Variants in IQCE observed in about 807,000 individuals in gnomAD.
IQCE encodes the protein IQ domain-containing protein E.
In IQCE, 115 loss-of-function variants were observed where a neutral mutation model predicts 96.0. The observed-to-expected ratio is 1.20, with a 90% CI of 1.03 to 1.40. The LOEUF is 1.40. Among genes scored for constraint, IQCE ranks in the 40% most tolerant of loss-of-function variants. IQCE has a pLI of 0.00. For synonymous variants in IQCE, 412 were observed against 371.2 expected, an observed-to-expected ratio of 1.11 and a Z score of -1.26; for missense variants, 1,041 against 909.1, an observed-to-expected ratio of 1.15 and a Z score of -1.87.
At chr7:2,559,947 C>T (rs976203925) in intron 1 of IQCE, among the ~76,000 whole-genome samples, 1 of 152,168 alleles carries the variant, frequency 6.6e-6, no homozygotes, top group East Asian at 1.9e-4. Context: ...TCGCTTGAGG[C>T]CAAGAGTTCC....
chr7:2,573,372 CT>C (rs762006374), intron 5 of IQCE, 45 bp from the exon 6 acceptor site: 106 of 895,944 alleles, frequency 1.2e-4, no homozygotes, highest in Non-Finnish European at 9.8e-5. Flanking sequence ...AGAATTCTTT[CT>C]ACTTTGTAGA....
intron 18 of IQCE, among the ~76,000 whole-genome samples, chr7:2,602,511 G>A (rs1364776687): frequency 6.6e-6 from 1 of 152,192 alleles, no homozygotes; most frequent in Non-Finnish European, 1.5e-5. Flanking sequence ...CTGGGCCACA[G>A]GGCTTCTCAC....
intron 13 of IQCE, among the ~76,000 whole-genome samples, chr7:2,588,654 G>GTT (rs370704456): frequency 0.038 from 1,894 of 49,762 alleles, 525 homozygotes; most frequent in Non-Finnish European, 0.047. Context: ...TGCCTGGCTG[G>GTT]TTTTTTTTTT....
Position 2,607,139 on chromosome 7 carries a change from AACCACC to A in IQCE, c.1885_1890del (p.Thr629_Thr630del). 6.2e-7 allele frequency: 1 copy of A among 1,601,748 alleles called. No individual in the cohort carries two copies. The highest frequency in any genetic ancestry group is 8.5e-7 in the Non-Finnish European group (1 of 1,175,386). Reference sequence around the variant, plus strand: ...TTTTTTCCAGTGCTACCGGTAAAAGAACCACCACCGCAGCTTCTACCAGGAGGAGAT... The same window carrying A: ...TTTTTTCCAGTGCTACCGGTAAAAGAACCGCAGCTTCTACCAGGAGGAGAT... On this transcript the variant is annotated inframe_deletion, in exon 21 of 22. Transcript: ENST00000402050.
chr7:2,608,242 C>A (rs1784963029), intron 21 of IQCE, among the ~76,000 whole-genome samples: 1 of 152,294 alleles, frequency 6.6e-6, no homozygotes, highest in African/African-American at 2.4e-5. Flanking sequence ...GCCTCGCTTT[C>A]CTGGGAGATC....
At chr7:2,597,562 T>C (rs1283714198) in intron 16 of IQCE, among the ~76,000 whole-genome samples, 1 of 152,284 alleles carries the variant, frequency 6.6e-6, no homozygotes, top group Non-Finnish European at 1.5e-5. Flanking sequence ...AGCAACAGCG[T>C]GCTCTCCACC....
At chr7:2,567,992 A>G (rs1254372985) in intron 2 of IQCE, among the ~76,000 whole-genome samples, 1 of 152,150 alleles carries the variant, frequency 6.6e-6, no homozygotes, top group Non-Finnish European at 1.5e-5. Flanking sequence ...TTTCTGCTGG[A>G]GGGGAAGTGA....
chr7:2,563,374 G>GTTTT (rs199527869), intron 1 of IQCE, among the ~76,000 whole-genome samples: 1 of 106,606 alleles, frequency 9.4e-6, no homozygotes, highest in African/African-American at 4.2e-5. Context: ...TTAATTTTTT[G>GTTTT]TTGTGTGTGT....
intron 20 of IQCE, 69 bp downstream of exon 20, chr7:2,606,066 G>A: frequency 1.3e-6 from 2 of 1,518,674 alleles, no homozygotes; most frequent in South Asian, 2.5e-5. Flanking sequence ...ACTGGGCCCG[G>A]AGCACTGGGT....
At chr7:2,560,998 C>T (rs961217866) in intron 1 of IQCE, among the ~76,000 whole-genome samples, 1 of 151,784 alleles carries the variant, frequency 6.6e-6, no homozygotes, top group African/African-American at 2.4e-5. Flanking sequence ...CGCTTTGCCA[C>T]CCAGGCTGGA....
At chr7:2,586,429 G>C (rs1219683269) in intron 12 of IQCE, 58 bp downstream of exon 12, 5 of 1,165,994 alleles carry the variant, frequency 4.3e-6, no homozygotes, top group Non-Finnish European at 6.1e-6. Context: ...GAATGGCAGG[G>C]CATGGCCACT....
chr7:2,572,225 C>G lies in IQCE; in HGVS notation c.293C>G (p.Thr98Ser), dbSNP rs1278141301. 1.2e-6 allele frequency: 2 copies of G among 1,614,068 alleles called. No homozygotes were observed. The highest frequency in any genetic ancestry group is 2.7e-5 in the African/African-American group (2 of 74,940). Residue 98 changes from threonine (T) to serine (S), a missense_variant, in exon 5 of 22, where the codon ACC (threonine) becomes AGC (serine). Coordinates refer to ENST00000402050, the MANE Select transcript of IQCE (RefSeq NM_152558.5). ...SLTQALNSPL[T>S]WEHAWTGVPG... ...ACCCAGGCCCTGAACTCACCCCTCA[C>G]CTGGGAGCATGCGTGGACTGGCGTC...
At chr7:2,562,636 TG>T (rs1459918992) in intron 1 of IQCE, among the ~76,000 whole-genome samples, 2 of 151,568 alleles carry the variant, frequency 1.3e-5, no homozygotes, top group East Asian at 3.9e-4. Context: ...TTCGTGTCTC[TG>T]GGTTTTTTTT....
In IQCE at chr7:2,605,006, C is replaced by T; in HGVS notation, c.1743+15C>T. The T allele has an allele frequency of 6.4e-7, 1 of 1,569,218 alleles. No homozygotes were observed. Among genetic ancestry groups the T allele is most frequent in the Non-Finnish European group, 8.8e-7 (1 of 1,140,520 alleles). Reference sequence around the variant, plus strand: ...TCCCAGACCAGGTAATGTCGGGGTGCTGGACGTCCCAGTGGCCATCTGCAG... The same window carrying T: ...TCCCAGACCAGGTAATGTCGGGGTGTTGGACGTCCCAGTGGCCATCTGCAG... On this transcript the variant is annotated intron_variant, in intron 19 of 21. Coordinates refer to ENST00000402050, the MANE Select transcript of IQCE (RefSeq NM_152558.5).
At chr7:2,564,323 A>G (rs777233235) in intron 1 of IQCE, among the ~76,000 whole-genome samples, 2 of 152,062 alleles carry the variant, frequency 1.3e-5, no homozygotes, top group Non-Finnish European at 2.9e-5. Flanking sequence ...GGCCAGGCAC[A>G]GTGACTCACA....
chr7:2,582,175 C>T lies in IQCE; in HGVS notation c.631-405C>T, dbSNP rs1782725156. 7.9e-5 allele frequency: 33 copies of T among 418,822 alleles called. 1 individual carries two copies. The highest frequency in any genetic ancestry group is 5.8e-4 in the South Asian group (31 of 53,450). The allele number at this position is 418,822 out of a possible 1,614,324, so 25.9% of individuals were successfully genotyped here. On this transcript the variant is annotated intron_variant, in intron 8 of 21. Transcript: ENST00000402050. Reference sequence around the variant, plus strand: ...GCTGTCTCCCACCCTCACTCACTGCCCCATGGAGACTGAACTGGGCGGCCC... The same window carrying T: ...GCTGTCTCCCACCCTCACTCACTGCTCCATGGAGACTGAACTGGGCGGCCC...
At chr7:2,572,650 T>A (rs1781841626) in intron 5 of IQCE, 1 of 502,322 alleles carries the variant, frequency 2.0e-6, no homozygotes, top group African/African-American at 1.9e-5. Flanking sequence ...AAATAAATAA[T>A]GATAAAAAGT....
intron 11 of IQCE, 70 bp downstream of exon 11, chr7:2,584,355 G>A: frequency 6.9e-7 from 1 of 1,447,138 alleles, no homozygotes; most frequent in Admixed American, 1.7e-5. Context: ...CTGAGAATGT[G>A]TGGCTGTCAC....
chr7:2,601,444 A>G lies in IQCE; in HGVS notation c.1612A>G (p.Lys538Glu), dbSNP rs201196005. The change falls in exon 18 of 22, where the codon AAA becomes GAA. Residue 538 changes from lysine to glutamate, a missense_variant. Lys to Glu is a moderately conservative substitution (Grantham distance 56, BLOSUM62 1). Transcript: ENST00000402050. ...AQWKVYKHKKKKAVLDEAAVV... is the reference protein window; with the variant it reads ...AQWKVYKHKKEKAVLDEAAVV... ...TTCTTTCTTTTTTTTTTTCCAGAAAAAAAAGGCTGTTCTGGATGAGGTAAG... is the reference window on the plus strand; with the variant it reads ...TTCTTTCTTTTTTTTTTTCCAGAAAGAAAAGGCTGTTCTGGATGAGGTAAG... 9 of 1,565,002 alleles carry G rather than the reference A, an allele frequency of 5.8e-6. No homozygotes were observed. The highest frequency in any genetic ancestry group is 1.4e-5 in the African/African-American group (1 of 72,710).
Sources: gnomAD v4.1 joint callset for allele counts (sites outside exome capture counted in the v4.1 genomes callset) on GRCh38, gnomAD v4.1.1 for gene constraint, MANE v1.5 for transcripts, NCBI Gene and HGNC (gene_info 2026-07-23, HGNC 2026-07-21) for gene names.